The following WBP1L variants were observed in gnomAD, a reference collection of about 807,000 sequenced individuals.
WBP1L encodes the protein WW domain binding protein 1-like.
In WBP1L, 17 loss-of-function variants were observed where a neutral mutation model predicts 33.7. The ratio of observed to expected loss-of-function variants is 0.50; its 90% CI spans 0.34 to 0.76. WBP1L has a LOEUF of 0.76. Ranked by LOEUF, WBP1L falls within the 30% of genes least tolerant of loss-of-function variation. WBP1L has a pLI of 0.01. For synonymous variants in WBP1L, 173 were observed against 190.8 expected (o/e 0.91, Z 0.77); for missense variants, 389 against 469.4 (o/e 0.83, Z 1.58).
At chr10:102,794,509 A>G (rs1172345845) in intron 1 of WBP1L, among the ~76,000 whole-genome samples, 1 of 152,074 alleles carries the variant, frequency 6.6e-6, no homozygotes, top group Non-Finnish European at 1.5e-5. Context: ...ATTTAAGGAG[A>G]CATTACAGGT....
At chr10:102,778,410 G>A (rs1843294213) in intron 1 of WBP1L, among the ~76,000 whole-genome samples, 1 of 152,192 alleles carries the variant, frequency 6.6e-6, no homozygotes, top group Non-Finnish European at 1.5e-5. Flanking sequence ...GCAAGAGGGC[G>A]AGGGCTTGTG....
At chr10:102,809,261 A>G (rs1284953441) in intron 2 of WBP1L, among the ~76,000 whole-genome samples, 2 of 152,040 alleles carry the variant, frequency 1.3e-5, no homozygotes, top group African/African-American at 4.8e-5. Flanking sequence ...TATTTTTAGT[A>G]GAGACAGGGT....
chr10:102,814,038 G>C lies in WBP1L; in HGVS notation c.*707G>C, dbSNP rs1843890942. ...TGAAAGGTTATACTGCCTTTTCTTT[G>C]TTTGTTTGTTTTTTTCTCTAAAAAC... On this transcript the variant is annotated 3_prime_UTR_variant, in exon 4 of 4. Coordinates refer to ENST00000448841, the MANE Select transcript of WBP1L (RefSeq NM_001083913.2). The C allele has an allele frequency of 6.7e-6, 1 of 149,366 alleles. No homozygotes were observed. Among genetic ancestry groups the C allele is most frequent in the Non-Finnish European group, 1.5e-5 (1 of 65,894 alleles). The allele number at this position is 149,366 out of a possible 1,614,324, so 9.3% of individuals were successfully genotyped here.
At chr10:102,801,175 A>T (rs1843652910) in intron 2 of WBP1L, among the ~76,000 whole-genome samples, 1 of 152,148 alleles carries the variant, frequency 6.6e-6, no homozygotes, top group African/African-American at 2.4e-5. Context: ...TTGGGCCTGC[A>T]TGTGTTGAGA....
rs564880457 is a variant in WBP1L at position 102,757,033 on chromosome 10, G to A, written c.90+12890G>A. Among the ~76,000 whole-genome samples the A allele has an allele frequency of 1.3e-4, 20 of 152,084 alleles. No individual in the cohort carries two copies. In the South Asian group the frequency reaches 3.9e-3, roughly 30 times the overall value. On this transcript the variant is annotated intron_variant, in intron 1 of 3. Coordinates refer to ENST00000448841, the MANE Select transcript of WBP1L (RefSeq NM_001083913.2). The stretch of plus-strand genomic sequence containing the variant: ...CCCATGAGTAGCTGGGATTACCAAC[G>A]TTTGCCACCACACCTAGCTAATTTT...
intron 1 of WBP1L, among the ~76,000 whole-genome samples, chr10:102,777,714 G>C (rs542408966): frequency 6.6e-6 from 1 of 151,946 alleles, no homozygotes; most frequent in Non-Finnish European, 1.5e-5. Context: ...ACAGGCATGT[G>C]CCACTATACC....
chr10:102,790,111 T>C (rs1191035790), intron 1 of WBP1L, among the ~76,000 whole-genome samples: 3 of 152,116 alleles, frequency 2.0e-5, no homozygotes, highest in African/African-American at 7.2e-5. Context: ...TCTCCTCCAT[T>C]CTTTTCTTCT....
intron 3 of WBP1L, among the ~76,000 whole-genome samples, chr10:102,810,257 C>G (rs1357650689): frequency 6.6e-6 from 1 of 152,122 alleles, no homozygotes; most frequent in African/African-American, 2.4e-5. Context: ...GGTGCAGTTC[C>G]CTGAAGCCAC....
At chr10:102,757,474 T>A (rs2063978230) in intron 1 of WBP1L, among the ~76,000 whole-genome samples, 2 of 151,434 alleles carry the variant, frequency 1.3e-5, no homozygotes, top group Admixed American at 1.3e-4. Context: ...TCTGCTCTCA[T>A]ACACAGTACT....
At chr10:102,770,366 G>A (rs962121862) in intron 1 of WBP1L, among the ~76,000 whole-genome samples, 12 of 152,152 alleles carry the variant, frequency 7.9e-5, no homozygotes, top group Admixed American at 6.5e-5. Flanking sequence ...TCTGCTCAAA[G>A]CTCCTGGAAA....
intron 1 of WBP1L, among the ~76,000 whole-genome samples, chr10:102,768,410 G>A (rs1843141749): frequency 7.7e-5 from 2 of 26,094 alleles, no homozygotes; most frequent in African/African-American, 4.5e-4. Flanking sequence ...ACGGAGTCTC[G>A]CTCTGTCGCC....
chr10:102,749,018 G>T (rs1435438259), intron 1 of WBP1L, among the ~76,000 whole-genome samples: 1 of 152,174 alleles, frequency 6.6e-6, no homozygotes, highest in Non-Finnish European at 1.5e-5. Flanking sequence ...GTAGAGGAGT[G>T]TGGAAGTGGG....
intron 1 of WBP1L, among the ~76,000 whole-genome samples, chr10:102,792,874 C>T (rs374293412): frequency 1.8e-4 from 27 of 152,032 alleles, no homozygotes; most frequent in East Asian, 1.3e-3. Context: ...GAATTACAGA[C>T]GTGAGCCACC....
At chr10:102,804,775 C>G (rs1273644719) in intron 2 of WBP1L, among the ~76,000 whole-genome samples, 1 of 152,140 alleles carries the variant, frequency 6.6e-6, no homozygotes, top group African/African-American at 2.4e-5. Context: ...TAGCAAGACA[C>G]ATTTTGGCCT....
chr10:102,744,721 CAG>C (rs1169085236), intron 1 of WBP1L, among the ~76,000 whole-genome samples: 1 of 152,140 alleles, frequency 6.6e-6, no homozygotes, highest in Non-Finnish European at 1.5e-5. Context: ...TGGGATGAAA[CAG>C]AGTGGAACCC....
rs145452008 is a variant in WBP1L at position 102,787,266 on chromosome 10, G to C, written c.91-10727G>C. On this transcript the variant is annotated intron_variant, in intron 1 of 3. Transcript: ENST00000448841. ...GGTATATACTAGAAAGGATACGAAA[G>C]TAGTACATGACAACCCCACCATCAA... is the stretch of plus-strand genomic sequence containing the variant. 4.7e-3 allele frequency among the ~76,000 whole-genome samples: 713 copies of C among 152,298 alleles called. 2 individuals carry two copies. The highest frequency in any genetic ancestry group is 7.9e-3 in the Non-Finnish European group (537 of 68,022).
rs1294272232 is a variant in WBP1L, at chr10:102,813,651, C to G, written c.*320C>G. On this transcript the variant is annotated 3_prime_UTR_variant, in exon 4 of 4. Transcript: ENST00000448841. ...GGGTCAGAGAGATGTGTTTTAAAAG[C>G]CCCCAAGGAAGGAGGCTGGGACTGT... The G allele has an allele frequency of 5.7e-6, 2 of 353,036 alleles. No individual in the cohort carries two copies. The highest frequency in any genetic ancestry group is 4.1e-5 in the African/African-American group (2 of 48,204). The allele number at this position is 353,036 out of a possible 1,614,324, so 21.9% of individuals were successfully genotyped here. A position where few individuals can be genotyped will look rare whatever the true frequency, so the allele number is the denominator to read the frequency against.
At chr10:102,756,362 A>G (rs1842976242) in intron 1 of WBP1L, among the ~76,000 whole-genome samples, 1 of 152,022 alleles carries the variant, frequency 6.6e-6, no homozygotes, top group Non-Finnish European at 1.5e-5. Flanking sequence ...GTGAGCCAAG[A>G]TCGTGCCTCC....
intron 1 of WBP1L, among the ~76,000 whole-genome samples, chr10:102,759,990 A>G (rs1843017751): frequency 6.6e-6 from 1 of 152,196 alleles, no homozygotes; most frequent in Admixed American, 6.5e-5. Context: ...CCAGCAATGT[A>G]TGAGAGTTTC....
Sources: allele counts gnomAD v4.1 joint callset (sites outside exome capture counted in the v4.1 genomes callset), GRCh38; gene constraint gnomAD v4.1.1; transcripts MANE v1.5; gene names NCBI Gene and HGNC (gene_info 2026-07-23, HGNC 2026-07-21).